OTOG: variants seen among roughly 807,000 people sequenced by gnomAD.
OTOG encodes the protein otogelin.
Under a neutral mutation model 313.8 loss-of-function variants are expected in OTOG, and 296 were observed. The ratio of observed to expected loss-of-function variants is 0.94; its 90% CI spans 0.86 to 1.04. The LOEUF (loss-of-function observed/expected upper bound fraction) is 1.04. Ranked by LOEUF, OTOG falls within the 50% of genes least tolerant of loss-of-function variation. OTOG has a pLI of 0.00. For synonymous variants in OTOG, 1,533 were observed against 1,554.9 expected, an observed-to-expected ratio of 0.99 and a Z score of 0.33; for missense variants, 3,948 against 3,840.1, an observed-to-expected ratio of 1.03 and a Z score of -0.74.
At chr11:17,613,229 TTCTTTCTTTCTTTCTTTC>T (rs1403686857) in intron 38 of OTOG, among the ~76,000 whole-genome samples, 80 of 134,784 alleles carry the variant, frequency 5.9e-4, no homozygotes, top group Middle Eastern at 6.9e-3. Flanking sequence ...CTTTCTTTCT[TTCTTTCTTTCTTTCTTTC>T]TTTCTTTCTT....
chr11:17,558,755 G>A (rs1386636657), intron 10 of OTOG, 111 bp downstream of exon 10: 10 of 1,177,116 alleles, frequency 8.5e-6, no homozygotes, highest in Non-Finnish European at 1.2e-5. Flanking sequence ...TGCTTCCCAA[G>A]GCTCTGAAAT....
Position 17,574,907 on chromosome 11 carries a change from C to A in OTOG, c.2481C>A (p.Val827=). The change falls in exon 20 of 56, where the codon GTC becomes GTA. Residue 827 remains valine, a synonymous_variant. Transcript: ENST00000399397. ...TYLDTQADLC[V]PRNQCSCHFQ... The stretch of plus-strand genomic sequence containing the variant: ...TGGACACCCAGGCTGACCTCTGTGT[C>A]CCCCGGTGAGTGGGTCAGCTTGATC... 1 of 1,504,926 alleles carries A rather than the reference C, an allele frequency of 6.6e-7. No homozygotes were observed. The highest frequency in any genetic ancestry group is 8.9e-7 in the Non-Finnish European group (1 of 1,121,732). The allele number at this position is 1,504,926 out of a possible 1,614,324, so 93.2% of individuals were successfully genotyped here. A position where few individuals can be genotyped will look rare whatever the true frequency, so the allele number is the denominator to read the frequency against.
intron 23 of OTOG, among the ~76,000 whole-genome samples, chr11:17,581,385 G>A (rs1852662193): frequency 6.6e-6 from 1 of 152,158 alleles, no homozygotes; most frequent in African/African-American, 2.4e-5. Flanking sequence ...ATGCATCGTG[G>A]AAACAGGGAG....
At chr11:17,619,804 A>C (rs1211918475) in intron 39 of OTOG, among the ~76,000 whole-genome samples, 4 of 152,186 alleles carry the variant, frequency 2.6e-5, no homozygotes, top group African/African-American at 9.7e-5. Context: ...TAAAACAAGG[A>C]AAGTTTATAT....
In OTOG at chr11:17,581,236, G is replaced by A. The variant is rs373986519; in HGVS notation, c.2759+2710G>A. ...GAGGTTGGGTTGCAAGTCTGTGCAA[G>A]GAGGAGTTCAGCCTCCAGATCCCCT... On this transcript the variant is annotated intron_variant, in intron 23 of 55. Transcript: ENST00000399397. Among the ~76,000 whole-genome samples, 4 of 152,194 alleles carry A rather than the reference G, an allele frequency of 2.6e-5. No individual in the cohort carries two copies. The East Asian group carries it at 7.7e-4, about 29-fold the overall frequency.
At chr11:17,582,285 TA>T (rs1329303707) in intron 23 of OTOG, among the ~76,000 whole-genome samples, 1 of 152,144 alleles carries the variant, frequency 6.6e-6, no homozygotes, top group Non-Finnish European at 1.5e-5. Context: ...GAACTTTACA[TA>T]AAAAGATCCA....
intron 15 of OTOG, among the ~76,000 whole-genome samples, chr11:17,565,697 T>C (rs1852281419): frequency 6.6e-6 from 1 of 152,224 alleles, no homozygotes; most frequent in African/African-American, 2.4e-5. Flanking sequence ...TTTTATACTT[T>C]GAGTTATAAT....
intron 40 of OTOG, 84 bp downstream of exon 40, chr11:17,629,400 AG>A (rs1345768471): frequency 1.4e-6 from 2 of 1,397,948 alleles, no homozygotes; most frequent in Non-Finnish European, 1.9e-6. Flanking sequence ...GGAGCAGGAA[AG>A]GCTGGGACAG....
intron 39 of OTOG, among the ~76,000 whole-genome samples, chr11:17,626,184 T>C (rs966956943): frequency 1.3e-5 from 2 of 152,148 alleles, no homozygotes; most frequent in African/African-American, 4.8e-5. Context: ...GTTTGTTTGT[T>C]TTTGTTTTTC....
intron 39 of OTOG, among the ~76,000 whole-genome samples, chr11:17,623,467 G>A (rs935310689): frequency 2.6e-5 from 4 of 152,132 alleles, no homozygotes; most frequent in Non-Finnish European, 5.9e-5. Context: ...TTTCTGCAGA[G>A]GACATGATCT....
intron 41 of OTOG, 23 bp from the exon 42 acceptor site, chr11:17,632,065 C>T (rs1397260680): frequency 2.2e-5 from 34 of 1,549,224 alleles, no homozygotes; most frequent in Non-Finnish European, 2.9e-5. Context: ...GAGTAACCAG[C>T]ACTGCCTGAT....
chr11:17,631,685 T>A lies in OTOG; in HGVS notation c.6713-17T>A, dbSNP rs1306269546. Reference sequence around the variant, plus strand: ...TAGTGATGATCGTGGCTGTTGGGATTGTTTGGCCCCTTTCAGGTATCTGTG... The same window carrying A: ...TAGTGATGATCGTGGCTGTTGGGATAGTTTGGCCCCTTTCAGGTATCTGTG... On this transcript the variant is annotated splice_polypyrimidine_tract_variant and intron_variant, in intron 40 of 55. Coordinates refer to ENST00000399397, the MANE Select transcript of OTOG (RefSeq NM_001292063.2). The A allele has an allele frequency of 6.5e-7, 1 of 1,541,440 alleles. No homozygotes were observed. Among genetic ancestry groups the A allele is most frequent in the Admixed American group, 2.0e-5 (1 of 50,864 alleles).
At chr11:17,596,193 C>T in intron 29 of OTOG, 39 bp downstream of exon 29, 4 of 1,397,626 alleles carry the variant, frequency 2.9e-6, no homozygotes, top group Non-Finnish European at 4.0e-6. Context: ...CGAGTGCCCC[C>T]TCCACTGTCC....
chr11:17,641,827 C>T lies in OTOG; in HGVS notation c.8191-20C>T, dbSNP rs1199249967. On this transcript the variant is annotated intron_variant, in intron 51 of 55. Coordinates refer to ENST00000399397, the MANE Select transcript of OTOG (RefSeq NM_001292063.2). ...TGGAGGTGGGCATCTGGCTGAGGCC[C>T]ACCCCGCCCTGGCCTGTAGAACCAG... 1 of 1,532,694 alleles carries T rather than the reference C, an allele frequency of 6.5e-7. No homozygotes were observed. The highest frequency in any genetic ancestry group is 2.5e-5 in the East Asian group (1 of 40,796). The allele number at this position is 1,532,694 out of a possible 1,614,324, so 94.9% of individuals were successfully genotyped here. A position where few individuals can be genotyped will look rare whatever the true frequency, so the allele number is the denominator to read the frequency against.
chr11:17,598,496 A>G (rs1853166597), intron 30 of OTOG, among the ~76,000 whole-genome samples: 1 of 152,074 alleles, frequency 6.6e-6, no homozygotes, highest in Admixed American at 6.6e-5. Flanking sequence ...GATTACTGAG[A>G]TTTTTGGTAG....
chr11:17,577,060 C>A, intron 22 of OTOG, 149 bp downstream of exon 22: 3 of 834,012 alleles, frequency 3.6e-6, no homozygotes, highest in Non-Finnish European at 5.6e-6. Context: ...TTGGCAAAGA[C>A]TCCAGCTTGG....
At chr11:17,641,152 G>T (rs1240703026) in intron 51 of OTOG, 61 bp downstream of exon 51, 3 of 1,483,666 alleles carry the variant, frequency 2.0e-6, no homozygotes, top group Non-Finnish European at 2.7e-6. Flanking sequence ...CAGACCTTGG[G>T]TGCTCCAGGA....
At chr11:17,621,444 T>C (rs1194550231) in intron 39 of OTOG, among the ~76,000 whole-genome samples, 5 of 152,230 alleles carry the variant, frequency 3.3e-5, no homozygotes, top group African/African-American at 4.8e-5. Context: ...AGCCCTGTGC[T>C]AGCTCTGTGG....
chr11:17,558,954 G>A (rs1589997817), intron 10 of OTOG, 98 bp from the exon 11 acceptor site: 11 of 972,256 alleles, frequency 1.1e-5, no homozygotes, highest in Middle Eastern at 2.1e-4. Context: ...GGGTGGAGAG[G>A]AGAGATGCCC....
Sources: gnomAD v4.1 joint callset for allele counts (sites outside exome capture counted in the v4.1 genomes callset) on GRCh38, gnomAD v4.1.1 for gene constraint, MANE v1.5 for transcripts, NCBI Gene and HGNC (gene_info 2026-07-23, HGNC 2026-07-21) for gene names.